SLITRK5: variants seen among roughly 807,000 people sequenced by gnomAD.
SLITRK5 encodes the protein SLIT and NTRK-like protein 5.
A neutral mutation model predicts 56.2 loss-of-function variants in SLITRK5; 23 were observed. The ratio of observed to expected loss-of-function variants is 0.41; its 90% CI spans 0.29 to 0.58. The LOEUF (loss-of-function observed/expected upper bound fraction) is 0.58, where lower values mean the gene tolerates loss of function less well. SLITRK5 is among the 20% of genes least tolerant of loss of function. The pLI, the probability that SLITRK5 is intolerant of heterozygous loss-of-function variation, is 0.30. For missense variants in SLITRK5, 1,289 were observed against 1,226.6 expected, an observed-to-expected ratio of 1.05 and a Z score of -0.76; for synonymous variants, 637 against 531.8, an observed-to-expected ratio of 1.20 and a Z score of -2.72.
chr13:87,677,611 G>A lies in SLITRK5; in HGVS notation c.2223G>A (p.Val741=). ...ACCGCGGGCCCGCGCTGCCCAAGGT[G>A]AAGACGCCCGCGGGCCACGTGTATG... is the stretch of plus-strand genomic sequence containing the variant. The part of the protein sequence containing the change: ...VHHRGPALPK[V]KTPAGHVYEY... The change falls in exon 2 of 2, where the codon GTG becomes GTA. Residue 741 remains valine, a synonymous_variant. Transcript: ENST00000683689. The surrounding 1 kb of genome is among the most constrained non-coding windows in gnomAD (Gnocchi z 4.7). The A allele has an allele frequency of 6.2e-7, 1 of 1,609,992 alleles. No homozygotes were observed. Among genetic ancestry groups the A allele is most frequent in the Non-Finnish European group, 8.5e-7 (1 of 1,177,218 alleles).
At position 87,677,483 on chromosome 13, in the gene SLITRK5, C is replaced by G. The variant is rs1239382287; in HGVS notation, c.2095C>G (p.His699Asp). Residue 699 changes from histidine to aspartate, a missense_variant, in exon 2 of 2, where the codon CAC becomes GAC. His to Asp is a moderately conservative substitution (Grantham distance 81, BLOSUM62 -1). Around this residue, in one of 3 missense-constraint regions of SLITRK5, gnomAD observed 985 missense variants for 906.0 expected, o/e 1.09. Transcript: ENST00000683689. This position sits in a 1 kb window ranked among gnomAD's most constrained non-coding sequence, Gnocchi z 4.7. ...GCGCAGGAAGAAGAACCAGAGCGAC[C>G]ACACCAGCACCAACAACTCCGACGT... ...MKRRKKNQSD[H>D]TSTNNSDVSS... The G allele has an allele frequency of 6.2e-7, 1 of 1,611,740 alleles. No homozygotes were observed. Among genetic ancestry groups the G allele is most frequent in the Non-Finnish European group, 8.5e-7 (1 of 1,179,972 alleles).
Position 87,677,820 on chromosome 13 carries a change from C to G in SLITRK5, c.2432C>G (p.Pro811Arg). Residue 811 changes from proline to arginine, a missense_variant, in exon 2 of 2, where the codon CCG (proline) becomes CGG (arginine). Coordinates refer to ENST00000683689, the MANE Select transcript of SLITRK5 (RefSeq NM_001384609.1). The surrounding 1 kb of genome is among the most constrained non-coding windows in gnomAD (Gnocchi z 4.7). Reference sequence around the variant, plus strand: ...CAGCAGCCACAGCAGCAGCCCCCGCCGCAGCTGCAGCTGCAGCCCGGGGAG... The same window carrying G: ...CAGCAGCCACAGCAGCAGCCCCCGCGGCAGCTGCAGCTGCAGCCCGGGGAG... Reference protein sequence around the residue: ...PPQQPQQQPPPQLQLQPGEEE... With the variant: ...PPQQPQQQPPRQLQLQPGEEE... The G allele has an allele frequency of 6.2e-7, 1 of 1,610,974 alleles. No individual in the cohort carries two copies. Among genetic ancestry groups the G allele is most frequent in the African/African-American group, 1.3e-5 (1 of 74,978 alleles).
In SLITRK5 at chr13:87,672,104, G is replaced by T. The variant is rs1055595656; in HGVS notation, c.-114G>T. Reference sequence around the variant, plus strand: ...AGAGCCGAGGGGGGAGGGGAGGGCCGGCCGGCGCGAACCCAGGCCGGAGGG... The same window carrying T: ...AGAGCCGAGGGGGGAGGGGAGGGCCTGCCGGCGCGAACCCAGGCCGGAGGG... On this transcript the variant is annotated 5_prime_UTR_variant, in exon 1 of 2. Coordinates refer to ENST00000683689, the MANE Select transcript of SLITRK5 (RefSeq NM_001384609.1). 7.9e-5 allele frequency among the ~76,000 whole-genome samples: 12 copies of T among 152,140 alleles called. No individual in the cohort carries two copies. The highest frequency in any genetic ancestry group is 2.0e-4 in the Admixed American group (3 of 15,306).
chr13:87,677,186 G>A lies in SLITRK5; in HGVS notation c.1798G>A (p.Glu600Lys), dbSNP rs756702039. 2.8e-5 allele frequency: 45 copies of A among 1,614,084 alleles called. No individual in the cohort carries two copies. Among genetic ancestry groups the A allele is most frequent in the Non-Finnish European group, 3.4e-5 (40 of 1,180,058 alleles). Reference sequence around the variant, plus strand: ...CTGTAAGGCGCCCAAAAAATTCGCTGAGACCGACATGCGCTCCATTAAGTC... The same window carrying A: ...CTGTAAGGCGCCCAAAAAATTCGCTAAGACCGACATGCGCTCCATTAAGTC... ...VICKAPKKFA[E>K]TDMRSIKSEL... The change falls in exon 2 of 2, where the codon GAG becomes AAG. Residue 600 changes from glutamate (E) to lysine (K), a missense_variant. Around this residue, in one of 3 missense-constraint regions of SLITRK5, gnomAD observed 985 missense variants for 906.0 expected, o/e 1.09. Transcript: ENST00000683689. The surrounding 1 kb of genome is among the most constrained non-coding windows in gnomAD (Gnocchi z 4.7).
Position 87,678,940 on chromosome 13 carries a change from A to T in SLITRK5, c.*675A>T, listed in dbSNP as rs758830608. The T allele has an allele frequency of 6.0e-6, 1 of 166,886 alleles. No homozygotes were observed. The highest frequency in any genetic ancestry group is 1.5e-5 in the Non-Finnish European group (1 of 68,094). 10.3% of individuals were successfully genotyped at this position (166,886 alleles called of 1,614,324 possible). On this transcript the variant is annotated 3_prime_UTR_variant, in exon 2 of 2. Transcript: ENST00000683689. Reference sequence around the variant, plus strand: ...AAATTACAGAGCTATATGATCCATAATTGATTAGTCAAAATAACTTATTGA... The same window carrying T: ...AAATTACAGAGCTATATGATCCATATTTGATTAGTCAAAATAACTTATTGA...
intron 1 of SLITRK5, chr13:87,673,537 T>C: frequency 7.8e-7 from 1 of 1,281,958 alleles, no homozygotes; most frequent in South Asian, 1.2e-5. Context: ...GCTGAATGGA[T>C]GTGCGGATTT....
Position 87,677,174 on chromosome 13 carries a change from A to C in SLITRK5, c.1786A>C (p.Lys596Gln), listed in dbSNP as rs764931877. The C allele has an allele frequency of 8.1e-6, 13 of 1,614,060 alleles. No individual in the cohort carries two copies. The African/African-American group carries it at 1.1e-4, about 13-fold the overall frequency. Reference sequence around the variant, plus strand: ...GGACGAGGTGATCTGTAAGGCGCCCAAAAAATTCGCTGAGACCGACATGCG... The same window carrying C: ...GGACGAGGTGATCTGTAAGGCGCCCCAAAAATTCGCTGAGACCGACATGCG... ...LVDEVICKAP[K>Q]KFAETDMRSI... Residue 596 changes from lysine to glutamine, a missense_variant, in exon 2 of 2, where the codon AAA becomes CAA. Coordinates refer to ENST00000683689, the MANE Select transcript of SLITRK5 (RefSeq NM_001384609.1). This position sits in a 1 kb window ranked among gnomAD's most constrained non-coding sequence, Gnocchi z 4.7.
rs1027497262 is a variant in SLITRK5, at chr13:87,675,604, T to C, written c.216T>C (p.Ser72=). 3 of 1,614,034 alleles carry C rather than the reference T, an allele frequency of 1.9e-6. No individual in the cohort carries two copies. Among genetic ancestry groups the C allele is most frequent in the African/African-American group, 2.7e-5 (2 of 74,906 alleles). The change falls in exon 2 of 2, where the codon AGT becomes AGC. Residue 72 remains serine (S), a synonymous_variant. Coordinates refer to ENST00000683689, the MANE Select transcript of SLITRK5 (RefSeq NM_001384609.1). ...TVSCENRGII[S]LSEISPPRFP... The stretch of plus-strand genomic sequence containing the variant: ...GCTGTGAAAACCGGGGGATCATCAG[T>C]CTCTCTGAAATTAGCCCTCCCCGTT...
Position 87,678,277 on chromosome 13 carries a change from C to T in SLITRK5, c.*12C>T. 6.3e-7 allele frequency: 1 copy of T among 1,589,158 alleles called. No homozygotes were observed. The highest frequency in any genetic ancestry group is 8.6e-7 in the Non-Finnish European group (1 of 1,166,642). On this transcript the variant is annotated 3_prime_UTR_variant, in exon 2 of 2. Transcript: ENST00000683689. ...TTAGCCAGTTCTAAAAGCAAAGAAA[C>T]TCTCTTGGAGCTTTTGCATTTAAAA...
chr13:87,678,100 G>A lies in SLITRK5; in HGVS notation c.2712G>A (p.Pro904=), dbSNP rs370488095. The A allele has an allele frequency of 2.3e-5, 37 of 1,614,032 alleles. No individual in the cohort carries two copies. Among genetic ancestry groups the A allele is most frequent in the Non-Finnish European group, 2.5e-5 (30 of 1,179,936 alleles). ...GACGCCCCCATCAGTATTTGCACCC[G>A]GGGGCAGGGGACAGCAGGCTACGGG... ...DLRRPHQYLH[P]GAGDSRLREP... Residue 904 remains proline, a synonymous_variant, in exon 2 of 2, where the codon CCG becomes CCA. Transcript: ENST00000683689.
chr13:87,676,018 C>G lies in SLITRK5; in HGVS notation c.630C>G (p.Asn210Lys). Residue 210 changes from asparagine (N) to lysine (K), a missense_variant, in exon 2 of 2, where the codon AAC becomes AAG. Coordinates refer to ENST00000683689, the MANE Select transcript of SLITRK5 (RefSeq NM_001384609.1). Reference sequence around the variant, plus strand: ...TAACGCACTTGGACCTCCGGGGGAACCGGCTGAAACTTCTGCCCTACGTGG... The same window carrying G: ...TAACGCACTTGGACCTCCGGGGGAAGCGGCTGAAACTTCTGCCCTACGTGG... ...VPLTHLDLRG[N>K]RLKLLPYVGL... is the part of the protein sequence containing the mutation. The G allele has an allele frequency of 6.2e-7, 1 of 1,614,150 alleles. No homozygotes were observed. The highest frequency in any genetic ancestry group is 8.5e-7 in the Non-Finnish European group (1 of 1,180,046).
chr13:87,671,669 G>C lies in SLITRK5; in HGVS notation c.-549G>C, dbSNP rs891666218. Among the ~76,000 whole-genome samples the C allele has an allele frequency of 6.6e-6, 1 of 152,002 alleles. No homozygotes were observed. The highest frequency in any genetic ancestry group is 2.4e-5 in the African/African-American group (1 of 41,400). On this transcript the variant is annotated 5_prime_UTR_variant, in exon 1 of 2. Coordinates refer to ENST00000683689, the MANE Select transcript of SLITRK5 (RefSeq NM_001384609.1). ...AACCCCAAAGGATGTCGGTGATAGA[G>C]AGTTCCAACTAATGACGATTGTGCG...
At position 87,677,992 on chromosome 13, in the gene SLITRK5, C is replaced by G; in HGVS notation, c.2604C>G (p.Thr868=). 1 of 1,614,098 alleles carries G rather than the reference C, an allele frequency of 6.2e-7. No individual in the cohort carries two copies. The highest frequency in any genetic ancestry group is 1.6e-4 in the Middle Eastern group (1 of 6,062). Residue 868 remains threonine (T), a synonymous_variant, in exon 2 of 2, where the codon ACC becomes ACG. Coordinates refer to ENST00000683689, the MANE Select transcript of SLITRK5 (RefSeq NM_001384609.1). This position sits in a 1 kb window ranked among gnomAD's most constrained non-coding sequence, Gnocchi z 4.7. ...ILEPDKHCST[T]PAGNSLPEYP... is the part of the protein sequence containing the mutation. ...AACCAGACAAACACTGCTCCACCAC[C>G]CCCGCCGGCAATAGCCTCCCGGAAT...
Position 87,679,567 on chromosome 13 carries a change from A to G in SLITRK5, c.*1302A>G, listed in dbSNP as rs1370612377. 1.2e-5 allele frequency: 2 copies of G among 166,694 alleles called. No homozygotes were observed. The highest frequency in any genetic ancestry group is 1.9e-4 in the East Asian group (1 of 5,180). The allele number at this position is 166,694 out of a possible 1,614,324, so 10.3% of individuals were successfully genotyped here. On this transcript the variant is annotated 3_prime_UTR_variant, in exon 2 of 2. Coordinates refer to ENST00000683689, the MANE Select transcript of SLITRK5 (RefSeq NM_001384609.1). ...TACAGTCTCATATGTATCCCAGCAC[A>G]TGTAATTTTTTAAATAGTTTCTGAA...
Position 87,677,801 on chromosome 13 carries a change from C to A in SLITRK5, c.2413C>A (p.Pro805Thr), listed in dbSNP as rs772988069. 3 of 1,610,082 alleles carry A rather than the reference C, an allele frequency of 1.9e-6. No homozygotes were observed. The Admixed American group carries it at 5.0e-5, about 27-fold the overall frequency. ...GCAGCCGCCGCCGCCACCGCAGCAG[C>A]CACAGCAGCAGCCCCCGCCGCAGCT... ...QQQPPPPPQQ[P>T]QQQPPPQLQL... Residue 805 changes from proline (P) to threonine (T), a missense_variant, in exon 2 of 2, where the codon CCA becomes ACA. Around this residue, in one of 3 missense-constraint regions of SLITRK5, gnomAD observed 985 missense variants for 906.0 expected, o/e 1.09. Coordinates refer to ENST00000683689, the MANE Select transcript of SLITRK5 (RefSeq NM_001384609.1). This position sits in a 1 kb window ranked among gnomAD's most constrained non-coding sequence, Gnocchi z 4.7.
In SLITRK5 at chr13:87,675,592, G is replaced by C. The variant is rs1415987770; in HGVS notation, c.204G>C (p.Arg68=). 1 of 1,614,002 alleles carries C rather than the reference G, an allele frequency of 6.2e-7. No homozygotes were observed. Among genetic ancestry groups the C allele is most frequent in the Non-Finnish European group, 8.5e-7 (1 of 1,180,040 alleles). The change falls in exon 2 of 2, where the codon CGG becomes CGC. Residue 68 remains arginine, a synonymous_variant. Transcript: ENST00000683689. ...DGILTVSCEN[R]GIISLSEISP... ...TTTTAACTGTGAGCTGTGAAAACCG[G>C]GGGATCATCAGTCTCTCTGAAATTA...
chr13:87,676,950 C>A lies in SLITRK5; in HGVS notation c.1562C>A (p.Pro521His). The A allele has an allele frequency of 6.2e-7, 1 of 1,614,156 alleles. No individual in the cohort carries two copies. The highest frequency in any genetic ancestry group is 8.5e-7 in the Non-Finnish European group (1 of 1,180,034). ...FLNNNLLQAMPSGVFSGLTLL... is the reference protein window; with the variant it reads ...FLNNNLLQAMHSGVFSGLTLL... ...AATAACAACCTCCTGCAGGCCATGC[C>A]CTCAGGCGTCTTCTCTGGCTTGACC... Residue 521 changes from proline (P) to histidine (H), a missense_variant, in exon 2 of 2, where the codon CCC becomes CAC. Pro to His is a moderately conservative substitution (Grantham distance 77). Around this residue, in one of 3 missense-constraint regions of SLITRK5, gnomAD observed 985 missense variants for 906.0 expected, o/e 1.09. Transcript: ENST00000683689.
At position 87,678,973 on chromosome 13, in the gene SLITRK5, T is replaced by C. The variant is rs1047377670; in HGVS notation, c.*708T>C. 6.3e-6 allele frequency: 1 copy of C among 157,912 alleles called. No individual in the cohort carries two copies. The highest frequency in any genetic ancestry group is 2.5e-5 in the African/African-American group (1 of 40,598). 9.8% of individuals were successfully genotyped at this position (157,912 alleles called of 1,614,324 possible). On this transcript the variant is annotated 3_prime_UTR_variant, in exon 2 of 2. Transcript: ENST00000683689. Reference sequence around the variant, plus strand: ...GTCAAAATAACTTATTGATGAAATATACAAATATTTTATTGTAGCACCTAT... The same window carrying C: ...GTCAAAATAACTTATTGATGAAATACACAAATATTTTATTGTAGCACCTAT...
intron 1 of SLITRK5, chr13:87,673,455 G>T (rs772970559): frequency 1.5e-6 from 1 of 664,318 alleles, no homozygotes; most frequent in South Asian, 1.5e-5. Context: ...ATTTGCAATG[G>T]GCTTTCAGAT....
Sources: gnomAD v4.1 joint callset for allele counts (sites outside exome capture counted in the v4.1 genomes callset) on GRCh38, gnomAD v4.1.1 for gene constraint, gnomAD v4.1.1 regional missense constraint, Gnocchi (gnomAD v3.1) non-coding constraint, MANE v1.5 for transcripts, NCBI Gene and HGNC (gene_info 2026-07-23, HGNC 2026-07-21) for gene names.